PDZRN3: variants seen among roughly 807,000 people sequenced by gnomAD.
The protein encoded by PDZRN3 is PDZ domain containing ring finger 3, also known as E3 ubiquitin-protein ligase PDZRN3.
PDZRN3 carries 38 observed loss-of-function variants against 85.7 expected under a neutral mutation model. That is an observed-to-expected ratio of 0.44 (90% CI 0.34 to 0.58). PDZRN3 has a LOEUF of 0.58. Ranked by LOEUF, PDZRN3 falls within the 20% of genes least tolerant of loss-of-function variation. The pLI is 0.01. For missense variants in PDZRN3, 1,629 were observed against 1,506.4 expected, an observed-to-expected ratio of 1.08 and a Z score of -1.35; for synonymous variants, 759 against 638.0, an observed-to-expected ratio of 1.19 and a Z score of -2.86.
At chr3:73,581,101 A>T (rs1426743977) in intron 3 of PDZRN3, among the ~76,000 whole-genome samples, 2 of 152,252 alleles carry the variant, frequency 1.3e-5, no homozygotes, top group African/African-American at 4.8e-5. Flanking sequence ...GTACTCCTAC[A>T]TAAGAAGAAC....
At chr3:73,586,726 C>G (rs1284767626) in intron 3 of PDZRN3, among the ~76,000 whole-genome samples, 22 of 152,172 alleles carry the variant, frequency 1.4e-4, no homozygotes, top group Admixed American at 1.4e-3. Flanking sequence ...CACAAAGCAT[C>G]CCCATCAAAC....
intron 3 of PDZRN3, among the ~76,000 whole-genome samples, chr3:73,479,722 T>G (rs992076331): frequency 1.3e-5 from 2 of 152,196 alleles, no homozygotes; most frequent in African/African-American, 2.4e-5. Flanking sequence ...CTCCCCTGCC[T>G]GACCCCAGCC....
chr3:73,551,937 G>A (rs929381638), intron 3 of PDZRN3, among the ~76,000 whole-genome samples: 1 of 152,186 alleles, frequency 6.6e-6, no homozygotes, highest in Non-Finnish European at 1.5e-5. Flanking sequence ...GAGAAGGTCA[G>A]TAATTCTCAA....
intron 3 of PDZRN3, among the ~76,000 whole-genome samples, chr3:73,448,344 G>A (rs1385719545): frequency 6.6e-6 from 1 of 152,204 alleles, no homozygotes; most frequent in African/African-American, 2.4e-5. Flanking sequence ...CAGCATTAAT[G>A]GTAAATGCTC....
At chr3:73,474,478 G>T (rs747526060) in intron 3 of PDZRN3, 31 of 1,286,868 alleles carry the variant, frequency 2.4e-5, no homozygotes, top group Admixed American at 4.6e-5. Context: ...CCACCATGGG[G>T]TTTATGTATT....
chr3:73,401,210 T>C, intron 4 of PDZRN3: 1 of 515,954 alleles, frequency 1.9e-6, no homozygotes, highest in Non-Finnish European at 3.5e-6. Flanking sequence ...GTACATTTCC[T>C]CCTGAAGGAC....
chr3:73,479,465 C>G (rs973804793), intron 3 of PDZRN3, among the ~76,000 whole-genome samples: 1 of 152,114 alleles, frequency 6.6e-6, no homozygotes, highest in Non-Finnish European at 1.5e-5. Flanking sequence ...CCAGGAATAC[C>G]GAGGGGAGTC....
chr3:73,404,291 C>T lies in PDZRN3; in HGVS notation c.1023G>A (p.Arg341=). 6.2e-7 allele frequency: 1 copy of T among 1,614,086 alleles called. No homozygotes were observed. Among genetic ancestry groups the T allele is most frequent in the Non-Finnish European group, 8.5e-7 (1 of 1,180,032 alleles). Residue 341 remains arginine (R), a synonymous_variant, in exon 4 of 10, where the codon AGG becomes AGA. Transcript: ENST00000263666. ...CTGATGGAGGCGTGAACATTTTGGT[C>T]CTTGGTGTTCTTCTCAACACCTGCA... The part of the protein sequence containing the change: ...IVVQVLRRTP[R]TKMFTPPSES...
chr3:73,404,973 G>A (rs1002598605), intron 3 of PDZRN3, among the ~76,000 whole-genome samples: 2 of 152,200 alleles, frequency 1.3e-5, no homozygotes, highest in African/African-American at 4.8e-5. Context: ...AGTGACCGCT[G>A]GCTTAATTGC....
At chr3:73,412,570 G>A (rs1198551449) in intron 3 of PDZRN3, among the ~76,000 whole-genome samples, 3 of 152,228 alleles carry the variant, frequency 2.0e-5, no homozygotes. Flanking sequence ...TCTGATGAGG[G>A]CCATTGTCAA....
intron 3 of PDZRN3, among the ~76,000 whole-genome samples, chr3:73,449,542 A>G (rs1049372694): frequency 3.9e-5 from 6 of 152,168 alleles, no homozygotes; most frequent in African/African-American, 1.4e-4. Context: ...TGTATATTGA[A>G]CAAATAATTA....
chr3:73,573,772 C>CACATATACATAT (rs71126879), intron 3 of PDZRN3, among the ~76,000 whole-genome samples: 2 of 150,866 alleles, frequency 1.3e-5, no homozygotes, highest in African/African-American at 2.4e-5. Flanking sequence ...AATACATACA[C>CACATATACATAT]ACATATACAT....
intron 3 of PDZRN3, among the ~76,000 whole-genome samples, chr3:73,536,679 C>G (rs1214742937): frequency 6.6e-6 from 1 of 152,136 alleles, no homozygotes; most frequent in Non-Finnish European, 1.5e-5. Context: ...TCTAGAATGC[C>G]ACACGTGTTA....
intron 4 of PDZRN3, chr3:73,402,503 G>T (rs1055013181): frequency 6.6e-6 from 1 of 152,148 alleles, no homozygotes; most frequent in African/African-American, 2.4e-5. Flanking sequence ...CTGTATAAAG[G>T]GACAGTCATG....
At chr3:73,552,932 A>G (rs1701597138) in intron 3 of PDZRN3, among the ~76,000 whole-genome samples, 1 of 152,228 alleles carries the variant, frequency 6.6e-6, no homozygotes, top group Non-Finnish European at 1.5e-5. Flanking sequence ...AGGATCACAC[A>G]ATAATAAACA....
chr3:73,592,819 G>T (rs1702377928), intron 3 of PDZRN3, among the ~76,000 whole-genome samples: 1 of 152,028 alleles, frequency 6.6e-6, no homozygotes. Flanking sequence ...CTGCCCTTGC[G>T]TCTTCCTATT....
chr3:73,561,747 A>T (rs1311391692), intron 3 of PDZRN3: 4 of 151,948 alleles, frequency 2.6e-5, no homozygotes. Flanking sequence ...GCACTTGTCT[A>T]CCCCATTTTC....
At chr3:73,543,251 C>A (rs772610122) in intron 3 of PDZRN3, among the ~76,000 whole-genome samples, 1 of 152,212 alleles carries the variant, frequency 6.6e-6, no homozygotes, top group Non-Finnish European at 1.5e-5. Flanking sequence ...GAGGCCAGCA[C>A]TGGGGTGTGA....
chr3:73,508,388 G>C (rs1368355962), intron 3 of PDZRN3, among the ~76,000 whole-genome samples: 2 of 152,202 alleles, frequency 1.3e-5, no homozygotes, highest in Non-Finnish European at 2.9e-5. Context: ...AAGACATAAA[G>C]GAAAACCCTG....
Sources: gnomAD v4.1 joint callset for allele counts (sites outside exome capture counted in the v4.1 genomes callset) on GRCh38, gnomAD v4.1.1 for gene constraint, MANE v1.5 for transcripts, NCBI Gene and HGNC (gene_info 2026-07-23, HGNC 2026-07-21) for gene names.